DLG2: variants seen among roughly 807,000 people sequenced by gnomAD.
DLG2 encodes disks large homolog 2.
In DLG2, 45 loss-of-function variants were observed where a neutral mutation model predicts 132.5. That is an observed-to-expected ratio of 0.34 (90% confidence interval 0.27 to 0.44). The LOEUF is 0.44. Ranked by LOEUF, DLG2 falls within the 20% of genes least tolerant of loss-of-function variation. The pLI is 1.00. For synonymous variants in DLG2, 424 were observed against 419.6 expected (o/e 1.01, Z -0.13); for missense variants, 1,045 against 1,196.9 (o/e 0.87, Z 1.87).
intron 18 of DLG2, among the ~76,000 whole-genome samples, chr11:83,745,409 G>A (rs2092830828): frequency 6.6e-6 from 1 of 152,118 alleles, no homozygotes; most frequent in Non-Finnish European, 1.5e-5. Flanking sequence ...TCTCTTTCAA[G>A]ATTTTACTCT....
chr11:83,985,916 G>A (rs996784434), intron 11 of DLG2, among the ~76,000 whole-genome samples: 1 of 151,896 alleles, frequency 6.6e-6, no homozygotes, highest in Non-Finnish European at 1.5e-5. Flanking sequence ...CTAGGTCTTT[G>A]AGGAATTGCC....
chr11:84,583,103 T>C (rs1246724206), intron 6 of DLG2, among the ~76,000 whole-genome samples: 1 of 152,236 alleles, frequency 6.6e-6, no homozygotes. Context: ...CTTCATTTCA[T>C]CATTGAAATA....
chr11:84,724,944 TGCA>T (rs1297485981), intron 6 of DLG2, among the ~76,000 whole-genome samples: 1 of 152,156 alleles, frequency 6.6e-6, no homozygotes, highest in Non-Finnish European at 1.5e-5. Context: ...TGGCTGAATA[TGCA>T]GCAGATCTTA....
At chr11:85,165,083 G>A in intron 4 of DLG2, among the ~76,000 whole-genome samples, 1 of 152,136 alleles carries the variant, frequency 6.6e-6, no homozygotes, top group Non-Finnish European at 1.5e-5. Flanking sequence ...GTTAACAAAT[G>A]TTAAACTATT....
intron 6 of DLG2, among the ~76,000 whole-genome samples, chr11:84,616,642 C>G (rs2099604901): frequency 6.6e-6 from 1 of 152,064 alleles, no homozygotes; most frequent in African/African-American, 2.4e-5. Context: ...GTTGGCTGTA[C>G]AGTCTTTGGT....
intron 4 of DLG2, among the ~76,000 whole-genome samples, chr11:85,212,505 GAA>G (rs1295099305): frequency 1.3e-5 from 2 of 152,042 alleles, no homozygotes; most frequent in South Asian, 4.2e-4. Context: ...TGACTTACAG[GAA>G]AACAACCATT....
chr11:85,478,815 G>C (rs568361491), intron 3 of DLG2, among the ~76,000 whole-genome samples: 3 of 152,204 alleles, frequency 2.0e-5, no homozygotes, highest in African/African-American at 7.2e-5. Context: ...ATTGGTGCTT[G>C]GTTGTTTAAG....
intron 7 of DLG2, among the ~76,000 whole-genome samples, chr11:84,506,113 T>C (rs1308752538): frequency 7.6e-6 from 1 of 131,230 alleles, no homozygotes; most frequent in African/African-American, 3.2e-5. Context: ...TCTAGCTCTG[T>C]CGCCCAGGCT....
At chr11:84,021,762 C>CTT (rs199809383) in intron 11 of DLG2, among the ~76,000 whole-genome samples, 65 of 147,432 alleles carry the variant, frequency 4.4e-4, no homozygotes, top group East Asian at 9.9e-4. Flanking sequence ...ACAACTACTT[C>CTT]TTTTTTTTTT....
chr11:85,419,308 G>A (rs904905321), intron 3 of DLG2, among the ~76,000 whole-genome samples: 6 of 152,166 alleles, frequency 3.9e-5, no homozygotes, highest in African/African-American at 1.2e-4. Context: ...AGTCTGATGA[G>A]ATTCCCTTTG....
In DLG2 at chr11:85,238,406, G is replaced by C. The variant is rs1416909308; in HGVS notation, c.186+46814C>G. Among the ~76,000 whole-genome samples the C allele has an allele frequency of 4.0e-5, 6 of 151,506 alleles. No individual in the cohort carries two copies. In the East Asian group the frequency reaches 1.2e-3, roughly 29 times the overall value. ...CTACAGGCGTGCACCACCACACCTGGCTATTTTTTGTATTTTTAGTAGAGA... is the reference window on the plus strand; with the variant it reads ...CTACAGGCGTGCACCACCACACCTGCCTATTTTTTGTATTTTTAGTAGAGA... On this transcript the variant is annotated intron_variant, in intron 4 of 27. Transcript: ENST00000376104.
At chr11:83,799,406 A>G (rs951732296) in intron 17 of DLG2, among the ~76,000 whole-genome samples, 2 of 152,214 alleles carry the variant, frequency 1.3e-5, no homozygotes, top group African/African-American at 2.4e-5. Context: ...AAGTGAGGAC[A>G]GGGTAGGAAG....
chr11:83,832,729 C>T lies in DLG2; in HGVS notation c.1722+885G>A, dbSNP rs541274912. ...CGTGATATACCCATATAAGAAACATCGTGTGTACCGCCAAATCTAAAATAA... is the reference window on the plus strand; with the variant it reads ...CGTGATATACCCATATAAGAAACATTGTGTGTACCGCCAAATCTAAAATAA... On this transcript the variant is annotated intron_variant, in intron 17 of 27. Transcript: ENST00000376104. 5.3e-5 allele frequency among the ~76,000 whole-genome samples: 8 copies of T among 152,066 alleles called. No homozygotes were observed. The South Asian group carries it at 6.3e-4, about 12-fold the overall frequency.
At chr11:84,269,964 T>C (rs373861456) in intron 7 of DLG2, among the ~76,000 whole-genome samples, 39 of 152,212 alleles carry the variant, frequency 2.6e-4, no homozygotes, top group African/African-American at 9.2e-4. Context: ...TTGTCCTGTC[T>C]AGAATAGTGT....
At chr11:85,250,789 A>G (rs776104479) in intron 4 of DLG2, among the ~76,000 whole-genome samples, 5 of 152,326 alleles carry the variant, frequency 3.3e-5, no homozygotes, top group Non-Finnish European at 5.9e-5. Flanking sequence ...TCCCTTAGAC[A>G]AGCTCTCTCC....
intron 3 of DLG2, among the ~76,000 whole-genome samples, chr11:85,390,474 G>A (rs1038540137): frequency 1.3e-5 from 2 of 151,996 alleles, no homozygotes; most frequent in Non-Finnish European, 2.9e-5. Flanking sequence ...AGAAAGAGTG[G>A]ACTTAAAGTA....
intron 3 of DLG2, among the ~76,000 whole-genome samples, chr11:85,429,209 G>A (rs1047661031): frequency 1.1e-4 from 17 of 152,148 alleles, no homozygotes; most frequent in Non-Finnish European, 1.6e-4. Context: ...ACAAGGAGGA[G>A]CTGGTACCAT....
chr11:85,349,371 T>G (rs1485171275), intron 3 of DLG2, among the ~76,000 whole-genome samples: 1 of 152,078 alleles, frequency 6.6e-6, no homozygotes, highest in Non-Finnish European at 1.5e-5. Flanking sequence ...TATTTATAGC[T>G]GAAAAGAAAA....
chr11:84,642,868 C>G (rs75821621), intron 6 of DLG2, among the ~76,000 whole-genome samples: 5,970 of 152,140 alleles, frequency 0.039, 412 homozygotes, highest in African/African-American at 0.14. Flanking sequence ...TATCAAGAAA[C>G]CCCAGAGAGC....
Sources: allele counts gnomAD v4.1 joint callset (sites outside exome capture counted in the v4.1 genomes callset), GRCh38; gene constraint gnomAD v4.1.1; transcripts MANE v1.5; gene names NCBI Gene and HGNC (gene_info 2026-07-23, HGNC 2026-07-21).